Variants in CCDC60 observed in about 807,000 individuals in gnomAD.
The protein encoded by CCDC60 is coiled-coil domain-containing protein 60.
In CCDC60, 54 loss-of-function variants were observed where a neutral mutation model predicts 63.5. That is an observed-to-expected ratio of 0.85 (90% CI 0.68 to 1.07). CCDC60 has a LOEUF of 1.07. Ranked by LOEUF, CCDC60 falls within the 50% of genes least tolerant of loss-of-function variation. The pLI is 0.00. For synonymous variants in CCDC60, 206 were observed against 238.8 expected (o/e 0.86, Z 1.27); for missense variants, 651 against 684.3 (o/e 0.95, Z 0.54).
At chr12:119,359,952 A>C (rs1411695529) in intron 1 of CCDC60, among the ~76,000 whole-genome samples, 1 of 152,064 alleles carries the variant, frequency 6.6e-6, no homozygotes, top group Non-Finnish European at 1.5e-5. Flanking sequence ...CAGACACGGC[A>C]ACCATCCCAT....
chr12:119,368,769 T>C (rs1230398113), intron 1 of CCDC60, among the ~76,000 whole-genome samples: 1 of 152,238 alleles, frequency 6.6e-6, no homozygotes, highest in African/African-American at 2.4e-5. Flanking sequence ...TCCCTGCTCG[T>C]AATTAACGTG....
intron 1 of CCDC60, among the ~76,000 whole-genome samples, chr12:119,361,187 GGAGAGGGAGAC>G (rs1285943658): frequency 4.8e-5 from 6 of 126,046 alleles, no homozygotes; most frequent in South Asian, 5.9e-4. Context: ...AGAGGGAGAG[GGAGAGGGAGAC>G]GAGAGGGAGA....
At chr12:119,495,482 T>G (rs1434050957) in intron 5 of CCDC60, among the ~76,000 whole-genome samples, 1 of 152,198 alleles carries the variant, frequency 6.6e-6, no homozygotes, top group Non-Finnish European at 1.5e-5. Flanking sequence ...ATAAGGAGCA[T>G]CTCTCCAGAT....
intron 2 of CCDC60, among the ~76,000 whole-genome samples, chr12:119,455,832 G>A (rs866933918): frequency 7.1e-6 from 1 of 141,240 alleles, no homozygotes; most frequent in Non-Finnish European, 1.5e-5. Context: ...GGAGGAAGGA[G>A]AAGAAGAAGG....
At chr12:119,445,117 T>G (rs67884573) in intron 2 of CCDC60, among the ~76,000 whole-genome samples, 31,633 of 151,790 alleles carry the variant, frequency 0.21, 3,424 homozygotes, top group Admixed American at 0.27. Flanking sequence ...AAATTTCCCA[T>G]GAAAATGAGA....
At chr12:119,370,039 A>G (rs1194309619) in intron 1 of CCDC60, among the ~76,000 whole-genome samples, 5 of 152,208 alleles carry the variant, frequency 3.3e-5, no homozygotes, top group Non-Finnish European at 5.9e-5. Flanking sequence ...TATCAAACAC[A>G]AGAAGAGACC....
intron 1 of CCDC60, among the ~76,000 whole-genome samples, chr12:119,383,036 C>T (rs1013223624): frequency 1.3e-5 from 2 of 152,090 alleles, no homozygotes; most frequent in Admixed American, 1.3e-4. Context: ...TGGGTGGCCA[C>T]TGCACTGGAA....
chr12:119,409,602 A>G (rs1202110049), intron 1 of CCDC60, among the ~76,000 whole-genome samples: 1 of 152,180 alleles, frequency 6.6e-6, no homozygotes, highest in African/African-American at 2.4e-5. Flanking sequence ...AAAAAGATAA[A>G]TGATTTGAGA....
intron 12 of CCDC60, 64 bp downstream of exon 12, chr12:119,528,810 A>G: frequency 6.6e-7 from 1 of 1,514,448 alleles, no homozygotes; most frequent in African/African-American, 1.4e-5. Flanking sequence ...TTATTACAAG[A>G]TCACTATTGA....
At chr12:119,498,886 C>T (rs1951778240) in intron 5 of CCDC60, among the ~76,000 whole-genome samples, 2 of 152,130 alleles carry the variant, frequency 1.3e-5, no homozygotes, top group South Asian at 4.1e-4. Flanking sequence ...CCCACTTCCC[C>T]ATAGCCACAA....
At chr12:119,497,243 C>A (rs955234299) in intron 5 of CCDC60, among the ~76,000 whole-genome samples, 6 of 152,256 alleles carry the variant, frequency 3.9e-5, no homozygotes, top group African/African-American at 1.4e-4. Context: ...GCTTACCCCA[C>A]CAGGCCAGGG....
At chr12:119,466,783 G>A (rs1950961505) in intron 2 of CCDC60, among the ~76,000 whole-genome samples, 1 of 152,200 alleles carries the variant, frequency 6.6e-6, no homozygotes, top group Non-Finnish European at 1.5e-5. Flanking sequence ...AGTTATGTGA[G>A]TAATAACCCA....
At chr12:119,438,877 A>G (rs1950377760) in intron 2 of CCDC60, among the ~76,000 whole-genome samples, 2 of 152,178 alleles carry the variant, frequency 1.3e-5, no homozygotes, top group Middle Eastern at 3.4e-3. Flanking sequence ...TTGTGTCTGA[A>G]TAAGGACAGA....
chr12:119,422,364 A>T (rs1482823030), intron 1 of CCDC60, among the ~76,000 whole-genome samples: 1 of 152,228 alleles, frequency 6.6e-6, no homozygotes, highest in African/African-American at 2.4e-5. Context: ...CACTGCTCCA[A>T]AGAAATACCT....
intron 2 of CCDC60, among the ~76,000 whole-genome samples, chr12:119,440,350 G>A (rs1018496396): frequency 4.1e-4 from 62 of 152,038 alleles, no homozygotes; most frequent in Non-Finnish European, 7.6e-4. Context: ...CTAACACGGC[G>A]AAACCCAGTC....
At chr12:119,507,820 A>G (rs1290553753) in intron 7 of CCDC60, among the ~76,000 whole-genome samples, 2 of 151,596 alleles carry the variant, frequency 1.3e-5, no homozygotes, top group Non-Finnish European at 1.5e-5. Context: ...AAACTGAGTT[A>G]CTTGAGTACC....
chr12:119,337,084 G>A (rs1412347676), intron 1 of CCDC60, among the ~76,000 whole-genome samples: 1 of 152,158 alleles, frequency 6.6e-6, no homozygotes, highest in African/African-American at 2.4e-5. Context: ...TCTCCATGTG[G>A]TCCAAAATGT....
chr12:119,388,561 T>G (rs1377551128), intron 1 of CCDC60, among the ~76,000 whole-genome samples: 2 of 152,242 alleles, frequency 1.3e-5, no homozygotes, highest in East Asian at 3.8e-4. Flanking sequence ...TATTCATTGT[T>G]TATTTATATT....
chr12:119,403,098 A>G (rs1452669882), intron 1 of CCDC60, among the ~76,000 whole-genome samples: 1 of 152,194 alleles, frequency 6.6e-6, no homozygotes. Flanking sequence ...TTGATGGCCA[A>G]GATAGTCGCC....
Sources: allele counts gnomAD v4.1 joint callset (sites outside exome capture counted in the v4.1 genomes callset), GRCh38; gene constraint gnomAD v4.1.1; transcripts MANE v1.5; gene names NCBI Gene and HGNC (gene_info 2026-07-23, HGNC 2026-07-21).